DHX35: variants seen among roughly 807,000 people sequenced by gnomAD.
DHX35 encodes probable ATP-dependent RNA helicase DHX35.
In DHX35, 84 loss-of-function variants were observed where a neutral mutation model predicts 99.6. The ratio of observed to expected loss-of-function variants is 0.84; its 90% CI spans 0.71 to 1.01. DHX35 has a LOEUF of 1.01. Ranked by LOEUF, DHX35 falls within the 50% of genes least tolerant of loss-of-function variation. The pLI is 0.00. For missense variants in DHX35, 852 were observed against 888.5 expected (o/e 0.96, Z 0.52); for synonymous variants, 331 against 316.2 (o/e 1.05, Z -0.50).
chr20:39,002,675 C>A, intron 9 of DHX35, 97 bp from the exon 10 acceptor site: 1 of 1,081,494 alleles, frequency 9.2e-7, no homozygotes, highest in Non-Finnish European at 1.4e-6. Context: ...CAGGCCCAAA[C>A]TCACTTTGAT....
At chr20:38,968,784 T>C (rs1027490732) in intron 1 of DHX35, among the ~76,000 whole-genome samples, 1 of 152,182 alleles carries the variant, frequency 6.6e-6, no homozygotes, top group African/African-American at 2.4e-5. Flanking sequence ...ACCCCTGAGC[T>C]CAGGCAATCC....
chr20:39,021,922 A>T lies in DHX35; in HGVS notation c.1580A>T (p.Gln527Leu). 6.2e-7 allele frequency: 1 copy of T among 1,614,146 alleles called. No individual in the cohort carries two copies. Among genetic ancestry groups the T allele is most frequent in the Non-Finnish European group, 8.5e-7 (1 of 1,179,996 alleles). The change falls in exon 16 of 22, where the codon CAG becomes CTG. Residue 527 changes from glutamine to leucine, a missense_variant. Coordinates refer to ENST00000252011, the MANE Select transcript of DHX35 (RefSeq NM_021931.4). ...IQNIFVVPPNQKSHAIRVHRK... is the reference protein window; with the variant it reads ...IQNIFVVPPNLKSHAIRVHRK... ...AATATCTTTGTGGTCCCCCCAAACC[A>T]GAAGTCTCACGCAGTAAGTCAGCTC... is the stretch of plus-strand genomic sequence containing the variant.
intron 4 of DHX35, among the ~76,000 whole-genome samples, chr20:38,984,716 C>T (rs2086224357): frequency 6.6e-6 from 1 of 152,116 alleles, no homozygotes; most frequent in Non-Finnish European, 1.5e-5. Context: ...ACAGTCCTGT[C>T]ATTTTCATTT....
chr20:38,970,054 A>G (rs144999177), intron 2 of DHX35, among the ~76,000 whole-genome samples: 66 of 152,182 alleles, frequency 4.3e-4, no homozygotes, highest in African/African-American at 1.5e-3. Context: ...TGCTGGGTGA[A>G]AGTTGCTGTG....
intron 4 of DHX35, among the ~76,000 whole-genome samples, 159 bp downstream of exon 4, chr20:38,983,935 A>G (rs2086212672): frequency 6.6e-6 from 1 of 152,006 alleles, no homozygotes; most frequent in African/African-American, 2.4e-5. Context: ...CCTCAGACAG[A>G]GTCTCACTCT....
At chr20:39,028,167 A>T (rs1035857382) in intron 18 of DHX35, among the ~76,000 whole-genome samples, 9 of 152,100 alleles carry the variant, frequency 5.9e-5, no homozygotes, top group Non-Finnish European at 1.0e-4. Flanking sequence ...GGGAGGTTGG[A>T]GGGGTCCCAG....
chr20:39,018,959 C>G, intron 15 of DHX35, 60 bp downstream of exon 15: 4 of 1,529,794 alleles, frequency 2.6e-6, no homozygotes, highest in Non-Finnish European at 3.6e-6. Context: ...TGTTGTTTGC[C>G]TGAATTCTGA....
At chr20:38,970,703 A>C (rs560542060) in intron 2 of DHX35, among the ~76,000 whole-genome samples, 6 of 152,234 alleles carry the variant, frequency 3.9e-5, no homozygotes, top group Non-Finnish European at 8.8e-5. Flanking sequence ...CATGCAGAGC[A>C]TTTAGCAAGA....
intron 19 of DHX35, 22 bp from the exon 20 acceptor site, chr20:39,030,682 C>T: frequency 6.2e-7 from 1 of 1,611,746 alleles, no homozygotes; most frequent in South Asian, 1.1e-5. Flanking sequence ...GTGCTTCAGA[C>T]AAAATTCTTC....
chr20:39,036,897 A>G (rs1049529197), intron 21 of DHX35, among the ~76,000 whole-genome samples: 1 of 152,126 alleles, frequency 6.6e-6, no homozygotes, highest in Admixed American at 6.5e-5. Flanking sequence ...GAACCTCCAG[A>G]TCTACAGGGG....
At chr20:39,011,418 C>T (rs1172874742) in intron 13 of DHX35, among the ~76,000 whole-genome samples, 2 of 152,196 alleles carry the variant, frequency 1.3e-5, no homozygotes, top group Non-Finnish European at 2.9e-5. Flanking sequence ...TCACTGCAAC[C>T]TCTGCCTCCC....
At chr20:39,031,333 C>CTTTTT (rs111833262) in intron 20 of DHX35, among the ~76,000 whole-genome samples, 1 of 131,700 alleles carries the variant, frequency 7.6e-6, no homozygotes, top group Non-Finnish European at 1.6e-5. Context: ...GCTCACGGTT[C>CTTTTT]TTTTTTTTTT....
intron 10 of DHX35, 134 bp from the exon 11 acceptor site, chr20:39,003,615 C>A: frequency 1.0e-6 from 1 of 993,618 alleles, no homozygotes; most frequent in Non-Finnish European, 1.5e-6. Flanking sequence ...CAGAGTGGAA[C>A]ATGACGGCAC....
At chr20:39,004,517 T>G (rs2086581892) in intron 11 of DHX35, among the ~76,000 whole-genome samples, 1 of 152,212 alleles carries the variant, frequency 6.6e-6, no homozygotes, top group Admixed American at 6.5e-5. Context: ...GGGATTGAGG[T>G]CAGTCAGGAG....
At chr20:38,967,561 G>C (rs567183863) in intron 1 of DHX35, among the ~76,000 whole-genome samples, 47 of 152,316 alleles carry the variant, frequency 3.1e-4, no homozygotes, top group East Asian at 7.7e-4. Context: ...AGCATGAAAA[G>C]TTATGGAAGC....
At position 38,962,641 on chromosome 20, in the gene DHX35, G is replaced by C. The variant is rs2085850881; in HGVS notation, c.40+234G>C. The C allele has an allele frequency of 1.1e-5, 6 of 547,888 alleles. No homozygotes were observed. In the South Asian group the frequency reaches 1.4e-4, roughly 13 times the overall value. The allele number at this position is 547,888 out of a possible 1,614,324, so 33.9% of individuals were successfully genotyped here. A position where few individuals can be genotyped will look rare whatever the true frequency, so the allele number is the denominator to read the frequency against. On this transcript the variant is annotated intron_variant, in intron 1 of 21. Transcript: ENST00000252011. ...TTTGTGACCTTGTTAAAGTGGTCCA[G>C]CCTCCTCAGGCCTCGTCTTCCTCGT...
intron 14 of DHX35, 150 bp from the exon 15 acceptor site, chr20:39,018,654 A>C (rs1314927661): frequency 1.4e-6 from 1 of 733,238 alleles, no homozygotes; most frequent in African/African-American, 1.8e-5. Flanking sequence ...ATGGCACTCT[A>C]GTGTCAAATG....
At chr20:38,968,910 G>A (rs995932585) in intron 1 of DHX35, among the ~76,000 whole-genome samples, 171 bp from the exon 2 acceptor site, 2 of 152,178 alleles carry the variant, frequency 1.3e-5, no homozygotes, top group Non-Finnish European at 1.5e-5. Context: ...TTAGTTCCTC[G>A]TAGGCACTTT....
At chr20:38,996,045 A>G (rs1201390521) in intron 8 of DHX35, among the ~76,000 whole-genome samples, 6 of 152,152 alleles carry the variant, frequency 3.9e-5, no homozygotes, top group Non-Finnish European at 8.8e-5. Flanking sequence ...CAACCCAGGC[A>G]TGCTTCTGCT....
Sources: gnomAD v4.1 joint callset for allele counts (sites outside exome capture counted in the v4.1 genomes callset) on GRCh38, gnomAD v4.1.1 for gene constraint, MANE v1.5 for transcripts, NCBI Gene and HGNC (gene_info 2026-07-23, HGNC 2026-07-21) for gene names.